The following GNB1 variants were observed in gnomAD, a reference collection of about 807,000 sequenced individuals.
GNB1 encodes the protein G protein subunit beta 1, also known as guanine nucleotide-binding protein G(I)/G(S)/G(T) subunit beta-1.
Under a neutral mutation model 42.9 loss-of-function variants are expected in GNB1, and 2 were observed. That is an observed-to-expected ratio of 0.05 (90% CI 0.02 to 0.15). The LOEUF is 0.15. GNB1 is among the 10% of genes least tolerant of loss of function. The pLI is 1.00. For missense variants in GNB1, 193 were observed against 462.2 expected, an observed-to-expected ratio of 0.42 and a Z score of 5.34; for synonymous variants, 183 against 174.7, an observed-to-expected ratio of 1.05 and a Z score of -0.38.
At chr1:1,859,087 T>C (rs1648464630) in intron 1 of GNB1, among the ~76,000 whole-genome samples, 1 of 151,668 alleles carries the variant, frequency 6.6e-6, no homozygotes, top group Non-Finnish European at 1.5e-5. Context: ...AATAGCGCGA[T>C]CTCAGCTCAC....
At chr1:1,875,022 T>C (rs1557946717) in intron 1 of GNB1, among the ~76,000 whole-genome samples, 1 of 152,146 alleles carries the variant, frequency 6.6e-6, no homozygotes, top group Non-Finnish European at 1.5e-5. Flanking sequence ...GTGCAGTTCA[T>C]GACGGGGTTC....
chr1:1,883,731 A>G (rs1301995725), intron 1 of GNB1, among the ~76,000 whole-genome samples: 1 of 152,224 alleles, frequency 6.6e-6, no homozygotes, highest in Non-Finnish European at 1.5e-5. Context: ...GTGGAAGGGT[A>G]GAAGTTGAAC....
chr1:1,800,732 A>G (rs1159265448), intron 7 of GNB1, among the ~76,000 whole-genome samples: 1 of 151,848 alleles, frequency 6.6e-6, no homozygotes, highest in Non-Finnish European at 1.5e-5. Context: ...CAAACTGCTA[A>G]AAACCAAATC....
At chr1:1,820,205 A>C (rs532684209) in intron 3 of GNB1, among the ~76,000 whole-genome samples, 2 of 152,042 alleles carry the variant, frequency 1.3e-5, no homozygotes, top group African/African-American at 4.8e-5. Context: ...AAAAACACAA[A>C]AATTAACCAG....
rs1336911609 is a variant in GNB1, at chr1:1,798,826, C to T, written c.431-5515G>A. ...AAGTGATTCTCCTGCCTCAGGATCCCGAGTAGCTGGGACTACAAGTGCATG... is the reference window on the plus strand; with the variant it reads ...AAGTGATTCTCCTGCCTCAGGATCCTGAGTAGCTGGGACTACAAGTGCATG... On this transcript the variant is annotated intron_variant, in intron 7 of 11. Transcript: ENST00000378609. 3.9e-5 allele frequency among the ~76,000 whole-genome samples: 6 copies of T among 152,164 alleles called. No homozygotes were observed. The East Asian group carries it at 1.2e-3, about 29-fold the overall frequency.
intron 2 of GNB1, among the ~76,000 whole-genome samples, chr1:1,836,950 G>A (rs991262644): frequency 6.7e-5 from 10 of 148,626 alleles, no homozygotes; most frequent in Non-Finnish European, 1.2e-4. Context: ...TCCTCCCAAA[G>A]TGCTGGGATT....
rs762639878 is a variant in GNB1, at chr1:1,787,301, G to C, written c.*9+21C>G. 25 of 1,187,290 alleles carry C rather than the reference G, an allele frequency of 2.1e-5. No individual in the cohort carries two copies. In the South Asian group the frequency reaches 2.9e-4, roughly 14 times the overall value. 73.5% of individuals were successfully genotyped at this position (1,187,290 alleles called of 1,614,324 possible). A position where few individuals can be genotyped will look rare whatever the true frequency, so the allele number is the denominator to read the frequency against. Reference sequence around the variant, plus strand: ...CACGCACAGTTCTCCTCAGAGAAGGGCATTTGGGCTGCTGCATTACCTACT... The same window carrying C: ...CACGCACAGTTCTCCTCAGAGAAGGCCATTTGGGCTGCTGCATTACCTACT... On this transcript the variant is annotated intron_variant, in intron 11 of 11. Transcript: ENST00000378609. The surrounding 1 kb of genome is among the most constrained non-coding windows in gnomAD (Gnocchi z 4.4).
At chr1:1,841,508 G>A (rs189005743) in intron 1 of GNB1, among the ~76,000 whole-genome samples, 1 of 152,302 alleles carries the variant, frequency 6.6e-6, no homozygotes, top group East Asian at 1.9e-4. Context: ...AGATGCTTCT[G>A]TAATCGCTCC....
chr1:1,850,690 C>T (rs1647933577), intron 1 of GNB1, among the ~76,000 whole-genome samples: 1 of 152,134 alleles, frequency 6.6e-6, no homozygotes, highest in East Asian at 1.9e-4. Flanking sequence ...CCACATCCAT[C>T]ACAGTCATTT....
At chr1:1,887,938 AT>A (rs1650246187) in intron 1 of GNB1, among the ~76,000 whole-genome samples, 1 of 152,176 alleles carries the variant, frequency 6.6e-6, no homozygotes, top group African/African-American at 2.4e-5. Flanking sequence ...AAAACAAACA[AT>A]AAAAAAACCA....
rs144504831 is a variant in GNB1 at position 1,826,511 on chromosome 1, C to T, written c.-46-1012G>A. Among the ~76,000 whole-genome samples, 38 of 152,240 alleles carry T rather than the reference C, an allele frequency of 2.5e-4. No homozygotes were observed. The East Asian group carries it at 5.6e-3, about 22-fold the overall frequency. On this transcript the variant is annotated intron_variant, in intron 2 of 11. Coordinates refer to ENST00000378609, the MANE Select transcript of GNB1 (RefSeq NM_002074.5). ...GGAACGGGGGTGAGTGGCAACCTGG[C>T]AACCAAGAATCTCAAAGCCACCTCA...
At chr1:1,848,173 T>A (rs1647774456) in intron 1 of GNB1, among the ~76,000 whole-genome samples, 1 of 151,368 alleles carries the variant, frequency 6.6e-6, no homozygotes, top group Non-Finnish European at 1.5e-5. Context: ...AGATCAGGTG[T>A]TCCAGACCAC....
In GNB1 at chr1:1,815,769, C is replaced by G; in HGVS notation, c.190G>C (p.Gly64Arg). ...HLAKIYAMHW[G>R]TDSRLLVSAS... ...GCCCACGCCTACCTGGAGTCTGTGC[C>G]CCAGTGCATGGCGTAGATCTTGGCC... Residue 64 changes from glycine to arginine, a missense_variant, in exon 5 of 12, where the codon GGC (glycine) becomes CGC (arginine). Physicochemically the swap from Gly to Arg is moderately radical, Grantham distance 125. Transcript: ENST00000378609. The G allele has an allele frequency of 6.3e-7, 1 of 1,579,662 alleles. No individual in the cohort carries two copies. Among genetic ancestry groups the G allele is most frequent in the Non-Finnish European group, 8.7e-7 (1 of 1,148,430 alleles).
At chr1:1,861,180 C>T (rs1446731554) in intron 1 of GNB1, among the ~76,000 whole-genome samples, 4 of 151,108 alleles carry the variant, frequency 2.6e-5, no homozygotes, top group South Asian at 4.2e-4. Flanking sequence ...AGCACAGCTG[C>T]GCACAGTGGC....
chr1:1,816,102 G>T (rs912945364), intron 4 of GNB1, among the ~76,000 whole-genome samples: 1 of 152,160 alleles, frequency 6.6e-6, no homozygotes, highest in Non-Finnish European at 1.5e-5. Context: ...GCACGCACAC[G>T]AACATGGCCA....
intron 1 of GNB1, among the ~76,000 whole-genome samples, chr1:1,886,129 T>C (rs1040473816): frequency 6.6e-6 from 1 of 151,740 alleles, no homozygotes; most frequent in African/African-American, 2.4e-5. Flanking sequence ...CTGGCCAACA[T>C]GGTGAAACCC....
intron 2 of GNB1, among the ~76,000 whole-genome samples, chr1:1,826,274 G>A (rs1472429768): frequency 1.3e-5 from 2 of 151,630 alleles, no homozygotes; most frequent in African/African-American, 4.8e-5. Context: ...AAAATTAGCT[G>A]GGCATGGTGG....
Position 1,802,630 on chromosome 1 carries a change from G to A in GNB1, c.430+1789C>T, listed in dbSNP as rs551707611. 5.3e-5 allele frequency among the ~76,000 whole-genome samples: 8 copies of A among 152,102 alleles called. No individual in the cohort carries two copies. The South Asian group carries it at 1.0e-3, about 20-fold the overall frequency. The stretch of plus-strand genomic sequence containing the variant: ...CTAAAAATACAAAAATTGGCCAGGC[G>A]TGGTGGTGCACGCCTGTAATCTACT... On this transcript the variant is annotated intron_variant, in intron 7 of 11. Coordinates refer to ENST00000378609, the MANE Select transcript of GNB1 (RefSeq NM_002074.5).
intron 1 of GNB1, among the ~76,000 whole-genome samples, chr1:1,882,408 C>A: frequency 9.9e-6 from 1 of 101,070 alleles, no homozygotes; most frequent in Admixed American, 1.6e-4. Context: ...AGCTGGGTGA[C>A]AGAGCAAGAC....
Sources: allele counts gnomAD v4.1 joint callset (sites outside exome capture counted in the v4.1 genomes callset), GRCh38; gene constraint gnomAD v4.1.1; non-coding constraint Gnocchi (gnomAD v3.1); transcripts MANE v1.5; gene names NCBI Gene and HGNC (gene_info 2026-07-23, HGNC 2026-07-21).